PTPRD: variants seen among roughly 807,000 people sequenced by gnomAD.
PTPRD encodes the protein protein tyrosine phosphatase receptor type D, also known as receptor-type tyrosine-protein phosphatase delta.
Under a neutral mutation model 214.5 loss-of-function variants are expected in PTPRD, and 34 were observed. The ratio of observed to expected loss-of-function variants is 0.16; its 90% CI spans 0.12 to 0.21. The LOEUF (loss-of-function observed/expected upper bound fraction) is 0.21, where lower values mean the gene tolerates loss of function less well. PTPRD is among the 10% of genes least tolerant of loss of function. PTPRD has a pLI of 1.00. For missense variants in PTPRD, 2,545 were observed against 2,398.7 expected, an observed-to-expected ratio of 1.06 and a Z score of -1.27; for synonymous variants, 1,128 against 845.7, an observed-to-expected ratio of 1.33 and a Z score of -5.79.
chr9:10,004,514 G>A (rs10759123), intron 4 of PTPRD, among the ~76,000 whole-genome samples: 73,121 of 151,570 alleles, frequency 0.48, 21,036 homozygotes, highest in Middle Eastern at 0.67. Flanking sequence ...CACCGGTCAA[G>A]AGAATAGGTA....
intron 14 of PTPRD, among the ~76,000 whole-genome samples, chr9:8,531,974 A>G (rs2075809079): frequency 6.6e-6 from 1 of 151,940 alleles, no homozygotes; most frequent in African/African-American, 2.4e-5. Flanking sequence ...CATAAAGAAC[A>G]CTCCAGAGCC....
chr9:10,130,379 C>T (rs1343316312), intron 3 of PTPRD, among the ~76,000 whole-genome samples: 1 of 152,094 alleles, frequency 6.6e-6, no homozygotes, highest in Non-Finnish European at 1.5e-5. Flanking sequence ...ACAAAGCCCA[C>T]TTTGTCATTG....
At chr9:8,520,610 A>G (rs1182387016) in intron 20 of PTPRD, among the ~76,000 whole-genome samples, 5 of 152,100 alleles carry the variant, frequency 3.3e-5, no homozygotes, top group Admixed American at 6.6e-5. Flanking sequence ...CACTAGGGGA[A>G]AAAAAAACGG....
chr9:10,559,447 A>C (rs1274066972), intron 2 of PTPRD, among the ~76,000 whole-genome samples: 3 of 152,170 alleles, frequency 2.0e-5, no homozygotes, highest in Non-Finnish European at 4.4e-5. Flanking sequence ...ACATTTTTAA[A>C]ATTATTTTTT....
chr9:8,715,727 G>C (rs143518109), intron 12 of PTPRD, among the ~76,000 whole-genome samples: 2 of 152,206 alleles, frequency 1.3e-5, no homozygotes, highest in African/African-American at 4.8e-5. Context: ...TTCCTAATTA[G>C]TGTCACCTCA....
intron 7 of PTPRD, among the ~76,000 whole-genome samples, chr9:9,700,006 C>G (rs2097461843): frequency 6.6e-6 from 1 of 152,096 alleles, no homozygotes; most frequent in Non-Finnish European, 1.5e-5. Context: ...GTTACTTTTA[C>G]AGAAATGCTT....
At chr9:9,311,096 CA>C (rs1244585037) in intron 9 of PTPRD, among the ~76,000 whole-genome samples, 1 of 151,448 alleles carries the variant, frequency 6.6e-6, no homozygotes, top group Non-Finnish European at 1.5e-5. Context: ...TTGTACAGGG[CA>C]AAATAGGAAA....
At chr9:9,655,950 C>T (rs114849986) in intron 7 of PTPRD, among the ~76,000 whole-genome samples, 3,801 of 151,972 alleles carry the variant, frequency 0.025, 159 homozygotes, top group African/African-American at 0.085. Context: ...CGCTCTCCAG[C>T]GGGGGCAACA....
intron 3 of PTPRD, among the ~76,000 whole-genome samples, chr9:10,269,396 T>C (rs2094292604): frequency 6.6e-6 from 1 of 152,184 alleles, no homozygotes; most frequent in Non-Finnish European, 1.5e-5. Context: ...TATGTATGCA[T>C]GTATATATGT....
intron 11 of PTPRD, among the ~76,000 whole-genome samples, chr9:8,750,455 G>A (rs1038688790): frequency 2.0e-5 from 3 of 150,416 alleles, no homozygotes; most frequent in Admixed American, 1.3e-4. Context: ...ACCATGCCCG[G>A]CCAAGTAAGT....
At chr9:10,469,576 T>A (rs890421805) in intron 2 of PTPRD, among the ~76,000 whole-genome samples, 1 of 152,096 alleles carries the variant, frequency 6.6e-6, no homozygotes, top group African/African-American at 2.4e-5. Flanking sequence ...TAAATTAGTA[T>A]AGCCATTATG....
intron 5 of PTPRD, among the ~76,000 whole-genome samples, chr9:9,897,194 G>A (rs546776486): frequency 6.6e-6 from 1 of 151,498 alleles, no homozygotes; most frequent in Non-Finnish European, 1.5e-5. Context: ...GTTGGTAAAG[G>A]TAATGCCTAA....
At chr9:8,530,148 T>C (rs1048195062) in intron 14 of PTPRD, among the ~76,000 whole-genome samples, 1 of 152,096 alleles carries the variant, frequency 6.6e-6, no homozygotes, top group African/African-American at 2.4e-5. Context: ...TTAGAATTTC[T>C]AATGAAGAAG....
At chr9:10,166,914 A>T (rs1488739848) in intron 3 of PTPRD, among the ~76,000 whole-genome samples, 2 of 152,094 alleles carry the variant, frequency 1.3e-5, no homozygotes, top group Non-Finnish European at 2.9e-5. Flanking sequence ...GCTATTCTCC[A>T]TACCCTATAG....
intron 8 of PTPRD, among the ~76,000 whole-genome samples, chr9:9,544,451 T>C (rs2078305532): frequency 6.6e-6 from 1 of 151,610 alleles, no homozygotes; most frequent in African/African-American, 2.4e-5. Flanking sequence ...TTTTAAGGTT[T>C]AGATTTAATT....
At chr9:9,752,171 T>C (rs543485559) in intron 6 of PTPRD, among the ~76,000 whole-genome samples, 4 of 152,046 alleles carry the variant, frequency 2.6e-5, no homozygotes, top group African/African-American at 7.2e-5. Context: ...GTTGGAACAC[T>C]TAGCTAAATT....
chr9:9,970,480 TG>T (rs2095031990), intron 4 of PTPRD, among the ~76,000 whole-genome samples: 1 of 151,736 alleles, frequency 6.6e-6, no homozygotes, highest in East Asian at 1.9e-4. Flanking sequence ...AAATTACTTT[TG>T]TGGTTGAATT....
intron 2 of PTPRD, among the ~76,000 whole-genome samples, chr9:10,448,383 G>C: frequency 6.6e-6 from 1 of 151,914 alleles, no homozygotes; most frequent in East Asian, 1.9e-4. Context: ...AAAGTAAAAG[G>C]AAAGTAGCCA....
At chr9:9,551,108 C>A (rs1282353438) in intron 8 of PTPRD, among the ~76,000 whole-genome samples, 1 of 151,760 alleles carries the variant, frequency 6.6e-6, no homozygotes, top group African/African-American at 2.4e-5. Context: ...AATGTATATT[C>A]TTGAAAAATA....
Sources: allele counts gnomAD v4.1 joint callset (sites outside exome capture counted in the v4.1 genomes callset), GRCh38; gene constraint gnomAD v4.1.1; transcripts MANE v1.5; gene names NCBI Gene and HGNC (gene_info 2026-07-23, HGNC 2026-07-21).